UBE3D: variants seen among roughly 807,000 people sequenced by gnomAD.
UBE3D encodes E3 ubiquitin-protein ligase E3D.
Under a neutral mutation model 49.6 loss-of-function variants are expected in UBE3D, and 48 were observed. The observed-to-expected ratio is 0.97, with a 90% CI of 0.77 to 1.23. UBE3D has a LOEUF of 1.23. Among genes scored for constraint, UBE3D ranks in the 50% most tolerant of loss-of-function variants. The probability of loss-of-function intolerance (pLI) is 0.00; values close to 1 mark genes in which losing one functional copy is unlikely to be tolerated. For synonymous variants in UBE3D, 189 were observed against 174.2 expected (o/e 1.08, Z -0.67); for missense variants, 452 against 468.4 (o/e 0.96, Z 0.32).
chr6:82,935,892 A>G (rs557968287), intron 9 of UBE3D, among the ~76,000 whole-genome samples: 171 of 152,270 alleles, frequency 1.1e-3, no homozygotes, highest in African/African-American at 4.0e-3. Flanking sequence ...ACAAACTATC[A>G]GTGACAGGAA....
intron 8 of UBE3D, among the ~76,000 whole-genome samples, chr6:82,968,954 C>G (rs1399478007): frequency 6.6e-6 from 1 of 152,102 alleles, no homozygotes; most frequent in Non-Finnish European, 1.5e-5. Context: ...TAGGCCTTTT[C>G]TCATCAGTTT....
chr6:82,906,519 T>C (rs1309908801), intron 9 of UBE3D, among the ~76,000 whole-genome samples: 1 of 152,204 alleles, frequency 6.6e-6, no homozygotes, highest in African/African-American at 2.4e-5. Flanking sequence ...ACTTTTTCCC[T>C]CACTTATGGT....
chr6:83,021,963 T>A (rs1487118439), intron 7 of UBE3D, among the ~76,000 whole-genome samples: 1 of 152,252 alleles, frequency 6.6e-6, no homozygotes. Flanking sequence ...TAGTACCTAG[T>A]ACATAGAGGC....
At position 83,020,341 on chromosome 6, in the gene UBE3D, GTT is replaced by G. The variant is rs11341564; in HGVS notation, c.847-1207_847-1206del. Among the ~76,000 whole-genome samples, 318 of 141,276 alleles carry G rather than the reference GTT, an allele frequency of 2.3e-3. 1 individual carries two copies. The highest frequency in any genetic ancestry group is 0.011 in the Middle Eastern group (3 of 270). The allele number at this position is 141,276 out of a possible 152,430, so 92.7% of individuals were successfully genotyped here. A position where few individuals can be genotyped will look rare whatever the true frequency, so the allele number is the denominator to read the frequency against. On this transcript the variant is annotated intron_variant, in intron 7 of 9. Coordinates refer to ENST00000369747, the MANE Select transcript of UBE3D (RefSeq NM_198920.3). ...AGAAAAACGCTAATCATGTGATACT[GTT>G]TTTTTTTTTTTTTTTACAAATAGAC...
At chr6:83,056,428 C>T (rs1783820055) in intron 2 of UBE3D, among the ~76,000 whole-genome samples, 1 of 152,172 alleles carries the variant, frequency 6.6e-6, no homozygotes, top group Non-Finnish European at 1.5e-5. Context: ...TGGCCTCTTC[C>T]CTGAAACAAC....
intron 8 of UBE3D, among the ~76,000 whole-genome samples, chr6:82,979,349 G>A (rs979944845): frequency 1.2e-4 from 19 of 152,114 alleles, no homozygotes; most frequent in Non-Finnish European, 2.4e-4. Context: ...AATTTTCTAT[G>A]ATAGAACCTT....
chr6:83,045,612 T>C (rs1782973735), intron 3 of UBE3D, among the ~76,000 whole-genome samples: 1 of 152,176 alleles, frequency 6.6e-6, no homozygotes, highest in Non-Finnish European at 1.5e-5. Flanking sequence ...CCTAACAACT[T>C]TCTTCTATAA....
chr6:83,012,654 G>A (rs1780424217), intron 8 of UBE3D, among the ~76,000 whole-genome samples: 1 of 152,214 alleles, frequency 6.6e-6, no homozygotes, highest in Non-Finnish European at 1.5e-5. Context: ...ACCACTCAGA[G>A]AGGTCATCCA....
intron 8 of UBE3D, among the ~76,000 whole-genome samples, chr6:82,977,475 C>T (rs1272216903): frequency 6.6e-6 from 1 of 152,080 alleles, no homozygotes; most frequent in East Asian, 1.9e-4. Context: ...ACTAAATTGA[C>T]CCTGATAAGC....
At chr6:82,937,993 G>GCA (rs145017106) in intron 9 of UBE3D, among the ~76,000 whole-genome samples, 9 of 151,566 alleles carry the variant, frequency 5.9e-5, no homozygotes, top group African/African-American at 9.7e-5. Flanking sequence ...GTGTGCGCGC[G>GCA]CACACACACA....
At chr6:82,904,688 T>G (rs566055113) in intron 9 of UBE3D, among the ~76,000 whole-genome samples, 5 of 152,320 alleles carry the variant, frequency 3.3e-5, no homozygotes, top group African/African-American at 9.6e-5. Flanking sequence ...CTGCTGCTAA[T>G]GAACAAATTC....
At chr6:82,937,966 T>C (rs1413846284) in intron 9 of UBE3D, among the ~76,000 whole-genome samples, 16 of 152,068 alleles carry the variant, frequency 1.1e-4, no homozygotes. Context: ...CTCCATCCTC[T>C]TGGAGAGCAC....
the UBE3D span, among the ~76,000 whole-genome samples, chr6:82,887,356 A>G: frequency 6.8e-6 from 1 of 147,704 alleles, no homozygotes; most frequent in Non-Finnish European, 1.5e-5. Flanking sequence ...GAGAAAAAAC[A>G]AACAAACCCT....
At chr6:82,970,568 T>G (rs972416483) in intron 8 of UBE3D, among the ~76,000 whole-genome samples, 2 of 152,092 alleles carry the variant, frequency 1.3e-5, no homozygotes, top group Non-Finnish European at 2.9e-5. Context: ...GGCCGGGCGC[T>G]GTGGCTCACG....
chr6:83,029,962 C>A (rs139746216), intron 5 of UBE3D, among the ~76,000 whole-genome samples: 115 of 152,280 alleles, frequency 7.6e-4, no homozygotes, highest in African/African-American at 2.3e-3. Context: ...CCTTCTGCTA[C>A]CCAAGTTGTA....
intron 9 of UBE3D, among the ~76,000 whole-genome samples, chr6:82,954,391 G>C (rs1465308659): frequency 6.6e-6 from 1 of 152,140 alleles, no homozygotes; most frequent in Non-Finnish European, 1.5e-5. Flanking sequence ...GTTGGCCTGA[G>C]AGAAATGTTA....
chr6:82,956,659 C>T (rs989883894), intron 9 of UBE3D, among the ~76,000 whole-genome samples: 5 of 152,206 alleles, frequency 3.3e-5, no homozygotes, highest in African/African-American at 9.6e-5. Context: ...GGGTCTCCTG[C>T]AAACTTGGGA....
intron 9 of UBE3D, chr6:82,938,303 TG>T (rs540973756): frequency 5.5e-4 from 83 of 152,246 alleles, no homozygotes; most frequent in African/African-American, 1.8e-3. Context: ...GACTAGATCT[TG>T]AGTGTCTGAC....
At chr6:83,035,920 C>T in intron 5 of UBE3D, 1 of 152,166 alleles carries the variant, frequency 6.6e-6, no homozygotes, top group South Asian at 2.1e-4. Context: ...TCACTATGTG[C>T]CAGACATTAC....
Sources: allele counts gnomAD v4.1 joint callset (sites outside exome capture counted in the v4.1 genomes callset), GRCh38; gene constraint gnomAD v4.1.1; transcripts MANE v1.5; gene names NCBI Gene and HGNC (gene_info 2026-07-23, HGNC 2026-07-21).